EDIL3: variants seen among roughly 807,000 people sequenced by gnomAD.
EDIL3 encodes EGF like and discoidin domains 3.
A neutral mutation model predicts 67.4 loss-of-function variants in EDIL3; 37 were observed. The ratio of observed to expected loss-of-function variants is 0.55; its 90% CI spans 0.42 to 0.72. EDIL3 has a LOEUF of 0.72. Ranked by LOEUF, EDIL3 falls within the 30% of genes least tolerant of loss-of-function variation. The probability of loss-of-function intolerance (pLI) is 0.00; values close to 1 mark genes in which losing one functional copy is unlikely to be tolerated. For missense variants in EDIL3, 527 were observed against 586.3 expected (o/e 0.90, Z 1.04); for synonymous variants, 195 against 196.3 (o/e 0.99, Z 0.05).
At chr5:84,251,751 A>T (rs1296276278) in intron 2 of EDIL3, among the ~76,000 whole-genome samples, 2 of 152,204 alleles carry the variant, frequency 1.3e-5, no homozygotes, top group African/African-American at 4.8e-5. Flanking sequence ...AGAAACTGTC[A>T]ACACTTTAAG....
At chr5:84,322,171 C>A (rs990991646) in intron 1 of EDIL3, among the ~76,000 whole-genome samples, 3 of 150,966 alleles carry the variant, frequency 2.0e-5, no homozygotes, top group African/African-American at 7.3e-5. Context: ...ACAAACTTCA[C>A]GAGATATTCA....
chr5:84,177,458 G>A (rs889081250), intron 4 of EDIL3, among the ~76,000 whole-genome samples: 7 of 152,152 alleles, frequency 4.6e-5, no homozygotes, highest in Non-Finnish European at 8.8e-5. Context: ...TAGGTGTACA[G>A]GGGATTTTTA....
chr5:84,100,264 G>C lies in EDIL3; in HGVS notation c.651+6385C>G, dbSNP rs192579745. 2.5e-4 allele frequency among the ~76,000 whole-genome samples: 38 copies of C among 152,192 alleles called. No homozygotes were observed. In the East Asian group the frequency reaches 6.2e-3, roughly 25 times the overall value. Reference sequence around the variant, plus strand: ...AGATTAGAAATCATGCTGCTATAAAGACACATGCACATGTGTGTTTATTGC... The same window carrying C: ...AGATTAGAAATCATGCTGCTATAAACACACATGCACATGTGTGTTTATTGC... On this transcript the variant is annotated intron_variant, in intron 6 of 10. Transcript: ENST00000296591.
Position 84,254,111 on chromosome 5 carries a change from G to T in EDIL3, c.169C>A (p.Pro57Thr), listed in dbSNP as rs757434962. The T allele has an allele frequency of 7.4e-6, 12 of 1,611,246 alleles. No homozygotes were observed. In the East Asian group the frequency reaches 2.7e-4, roughly 36 times the overall value. ...ACCTCCACAACACTAGAACAGTTGGGGTCTGTGAAGCCATCTGGACACTCA... is the reference window on the plus strand; with the variant it reads ...ACCTCCACAACACTAGAACAGTTGGTGTCTGTGAAGCCATCTGGACACTCA... ...SCECPDGFTD[P>T]NCSSVVEVAS... The change falls in exon 2 of 11, where the codon CCC (proline) becomes ACC (threonine). Residue 57 changes from proline to threonine, a missense_variant. Transcript: ENST00000296591.
intron 1 of EDIL3, among the ~76,000 whole-genome samples, chr5:84,356,095 G>A (rs977435164): frequency 1.3e-5 from 2 of 152,062 alleles, no homozygotes; most frequent in Non-Finnish European, 2.9e-5. Flanking sequence ...AAATTATATA[G>A]GCACCTTTCA....
chr5:83,950,481 C>T (rs758671480), intron 10 of EDIL3, among the ~76,000 whole-genome samples: 5 of 151,778 alleles, frequency 3.3e-5, no homozygotes, highest in Admixed American at 3.3e-4. Flanking sequence ...CAACATCATG[C>T]GCCAGCGTGT....
intron 3 of EDIL3, among the ~76,000 whole-genome samples, chr5:84,181,442 C>A (rs1440355088): frequency 6.6e-6 from 1 of 152,214 alleles, no homozygotes; most frequent in Non-Finnish European, 1.5e-5. Context: ...AATAAACATT[C>A]TGTACTCTGA....
chr5:84,057,207 G>A (rs1246774611), intron 9 of EDIL3, among the ~76,000 whole-genome samples: 1 of 152,128 alleles, frequency 6.6e-6, no homozygotes, highest in Non-Finnish European at 1.5e-5. Flanking sequence ...ATTTTAGCAT[G>A]CAAGTGATTT....
chr5:84,345,874 G>A (rs1747227414), intron 1 of EDIL3, among the ~76,000 whole-genome samples: 1 of 152,052 alleles, frequency 6.6e-6, no homozygotes. Context: ...GGTACAGATT[G>A]AACAACATAA....
chr5:84,358,202 C>G (rs1366913758), intron 1 of EDIL3, among the ~76,000 whole-genome samples: 3 of 152,170 alleles, frequency 2.0e-5, no homozygotes, highest in Non-Finnish European at 4.4e-5. Context: ...CTGGTTTTCT[C>G]TAACTAATGC....
intron 4 of EDIL3, among the ~76,000 whole-genome samples, chr5:84,147,294 A>G (rs1748305321): frequency 6.6e-6 from 1 of 152,104 alleles, no homozygotes; most frequent in Admixed American, 6.6e-5. Context: ...AAAATGTACC[A>G]TATGCTTTTT....
At chr5:84,053,677 C>G (rs1172638767) in intron 9 of EDIL3, among the ~76,000 whole-genome samples, 1 of 151,642 alleles carries the variant, frequency 6.6e-6, no homozygotes, top group East Asian at 1.9e-4. Flanking sequence ...ATACTATAAA[C>G]ACCTCTATGC....
intron 5 of EDIL3, among the ~76,000 whole-genome samples, chr5:84,124,202 C>T (rs547755621): frequency 9.9e-5 from 15 of 151,766 alleles, no homozygotes; most frequent in South Asian, 2.1e-4. Flanking sequence ...TCTATTTTAC[C>T]GACAAATTTT....
chr5:84,247,150 T>C (rs1232932942), intron 2 of EDIL3, among the ~76,000 whole-genome samples: 3 of 152,140 alleles, frequency 2.0e-5, no homozygotes, highest in Admixed American at 2.0e-4. Context: ...GCTCTCATTA[T>C]GGTAACTTCT....
At chr5:84,273,811 A>G (rs1745521266) in intron 1 of EDIL3, among the ~76,000 whole-genome samples, 4 of 152,178 alleles carry the variant, frequency 2.6e-5, no homozygotes, top group Admixed American at 1.3e-4. Flanking sequence ...GCCTCTAAAT[A>G]GTTCTACATA....
intron 1 of EDIL3, among the ~76,000 whole-genome samples, chr5:84,335,276 T>A (rs1746961921): frequency 6.6e-6 from 1 of 152,176 alleles, no homozygotes; most frequent in African/African-American, 2.4e-5. Flanking sequence ...CCCCTTCATC[T>A]TCTGACACAA....
At chr5:84,283,147 A>T (rs181198897) in intron 1 of EDIL3, among the ~76,000 whole-genome samples, 1 of 152,282 alleles carries the variant, frequency 6.6e-6, no homozygotes, top group Non-Finnish European at 1.5e-5. Flanking sequence ...AGCATAAGAA[A>T]CATATAAAAG....
At chr5:83,993,413 T>C (rs776947454) in intron 9 of EDIL3, among the ~76,000 whole-genome samples, 5 of 152,318 alleles carry the variant, frequency 3.3e-5, no homozygotes, top group South Asian at 2.1e-4. Flanking sequence ...TTCATATTAT[T>C]TAGAAATGTA....
chr5:84,060,253 T>G, intron 9 of EDIL3, 47 bp downstream of exon 9: 1 of 1,593,478 alleles, frequency 6.3e-7, no homozygotes, highest in East Asian at 2.2e-5. Flanking sequence ...GGAAATCTTC[T>G]AAGAAAGAGG....
Sources: allele counts gnomAD v4.1 joint callset (sites outside exome capture counted in the v4.1 genomes callset), GRCh38; gene constraint gnomAD v4.1.1; transcripts MANE v1.5; gene names NCBI Gene and HGNC (gene_info 2026-07-23, HGNC 2026-07-21).